Variants in PABPC4L observed in about 807,000 individuals in gnomAD.
PABPC4L encodes polyadenylate-binding protein 4-like.
For synonymous variants in PABPC4L, 169 were observed against 164.1 expected (o/e 1.03, Z -0.23); for missense variants, 452 against 451.4 (o/e 1.00, Z -0.01).
At chr4:134,059,678 G>A in the PABPC4L span, among the ~76,000 whole-genome samples, 1 of 151,614 alleles carries the variant, frequency 6.6e-6, no homozygotes, top group Non-Finnish European at 1.5e-5. Flanking sequence ...AAGTTCAATA[G>A]AACGGTTAGT....
chr4:134,185,422 A>G, the PABPC4L span, among the ~76,000 whole-genome samples: 1 of 152,256 alleles, frequency 6.6e-6, no homozygotes, highest in South Asian at 2.1e-4. Context: ...TATAAACAGA[A>G]CCAAAGACAA....
the PABPC4L span, among the ~76,000 whole-genome samples, chr4:133,999,619 A>C: frequency 6.6e-6 from 1 of 152,072 alleles, no homozygotes; most frequent in African/African-American, 2.4e-5. Flanking sequence ...TTTTTATAAG[A>C]TATATCTAAT....
the PABPC4L span, among the ~76,000 whole-genome samples, chr4:134,061,139 T>G: frequency 1.3e-5 from 2 of 152,118 alleles, no homozygotes. Context: ...TCATTTACCC[T>G]GATGTGATTA....
At chr4:134,165,028 G>A in the PABPC4L span, among the ~76,000 whole-genome samples, 1 of 152,006 alleles carries the variant, frequency 6.6e-6, no homozygotes, top group African/African-American at 2.4e-5. Context: ...CATAAACTGG[G>A]GAAAGGACTC....
At chr4:134,032,819 G>C in the PABPC4L span, among the ~76,000 whole-genome samples, 2 of 151,694 alleles carry the variant, frequency 1.3e-5, no homozygotes, top group African/African-American at 4.8e-5. Flanking sequence ...CTAACATCTA[G>C]ATCAAAGATA....
At chr4:134,139,843 G>GAATATTTGATCTCTTGAGAAATGT in the PABPC4L span, among the ~76,000 whole-genome samples, 1 of 151,574 alleles carries the variant, frequency 6.6e-6, no homozygotes, top group Admixed American at 6.6e-5. Context: ...TTGCAACATG[G>GAATATTTGATCTCTTGAGAAATGT]AATATTTGAT....
chr4:134,048,451 A>T, the PABPC4L span, among the ~76,000 whole-genome samples: 1 of 152,092 alleles, frequency 6.6e-6, no homozygotes, highest in Non-Finnish European at 1.5e-5. Flanking sequence ...TCCTACCTAA[A>T]CTGGAGAATC....
At chr4:134,134,377 A>C in the PABPC4L span, among the ~76,000 whole-genome samples, 1 of 152,044 alleles carries the variant, frequency 6.6e-6, no homozygotes, top group Non-Finnish European at 1.5e-5. Flanking sequence ...TAGATTAAAA[A>C]AGTGGATGAT....
chr4:134,051,149 A>T, the PABPC4L span, among the ~76,000 whole-genome samples: 436 of 152,266 alleles, frequency 2.9e-3, 4 homozygotes, highest in African/African-American at 9.9e-3. Flanking sequence ...GTTCTGTTCA[A>T]TTTCCATAAC....
the PABPC4L span, among the ~76,000 whole-genome samples, chr4:134,056,432 T>G: frequency 6.6e-6 from 1 of 151,954 alleles, no homozygotes; most frequent in Non-Finnish European, 1.5e-5. Flanking sequence ...TGAAGACAGT[T>G]GACAATTTTG....
the PABPC4L span, among the ~76,000 whole-genome samples, chr4:134,023,852 T>C: frequency 6.6e-6 from 1 of 152,148 alleles, no homozygotes; most frequent in African/African-American, 2.4e-5. Context: ...TACATGAATA[T>C]GATTTTTCCA....
chr4:134,157,265 GTT>G, the PABPC4L span, among the ~76,000 whole-genome samples: 1 of 141,550 alleles, frequency 7.1e-6, no homozygotes, highest in Admixed American at 7.1e-5. Context: ...AATGCTCTTA[GTT>G]TTTTTTTTTT....
chr4:134,090,434 T>G, the PABPC4L span, among the ~76,000 whole-genome samples: 3 of 152,072 alleles, frequency 2.0e-5, no homozygotes, highest in African/African-American at 7.2e-5. Context: ...TTATATTTTT[T>G]CAAATGGCTA....
chr4:134,111,816 G>A, the PABPC4L span, among the ~76,000 whole-genome samples: 834 of 152,050 alleles, frequency 5.5e-3, 7 homozygotes, highest in African/African-American at 0.019. Flanking sequence ...ATGTGGAACT[G>A]TAAGTCCAAT....
the PABPC4L span, among the ~76,000 whole-genome samples, chr4:133,963,704 A>G: frequency 6.6e-6 from 1 of 152,144 alleles, no homozygotes; most frequent in South Asian, 2.1e-4. Context: ...AAACCATGAA[A>G]ATACATGGAA....
the PABPC4L span, among the ~76,000 whole-genome samples, chr4:134,088,817 T>G: frequency 9.2e-5 from 14 of 152,114 alleles, no homozygotes; most frequent in Admixed American, 5.9e-4. Flanking sequence ...GAGCACAGAT[T>G]GAGATGATCA....
chr4:133,955,501 T>C, the PABPC4L span, among the ~76,000 whole-genome samples: 1 of 152,162 alleles, frequency 6.6e-6, no homozygotes, highest in African/African-American at 2.4e-5. Context: ...TTTATGAATT[T>C]GAATATTATT....
chr4:134,170,891 TGC>T, the PABPC4L span, among the ~76,000 whole-genome samples: 1 of 152,174 alleles, frequency 6.6e-6, no homozygotes, highest in African/African-American at 2.4e-5. Context: ...CTCTTTTAAG[TGC>T]TTTGAGATAT....
the PABPC4L span, among the ~76,000 whole-genome samples, chr4:134,109,573 T>A: frequency 1.3e-5 from 2 of 151,920 alleles, no homozygotes; most frequent in African/African-American, 4.8e-5. Context: ...AAGAGAACAA[T>A]GCAAACTTTG....
Sources: gnomAD v4.1 joint callset for allele counts (sites outside exome capture counted in the v4.1 genomes callset) on GRCh38, gnomAD v4.1.1 for gene constraint, MANE v1.5 for transcripts, NCBI Gene and HGNC (gene_info 2026-07-23, HGNC 2026-07-21) for gene names.